The following SMIM36 variants were observed in gnomAD, a reference collection of about 807,000 sequenced individuals.
SMIM36 encodes the protein small integral membrane protein 36.
chr17:55,505,914 C>G (rs1295922740), intron 1 of SMIM36, among the ~76,000 whole-genome samples: 1 of 91,676 alleles, frequency 1.1e-5, no homozygotes, highest in African/African-American at 8.1e-5. Flanking sequence ...AAATCACAAG[C>G]ATTCTTACAC....
chr17:55,513,454 C>T (rs538471915), upstream of SMIM36, among the ~76,000 whole-genome samples: 3 of 152,268 alleles, frequency 2.0e-5, no homozygotes, highest in East Asian at 5.8e-4. Context: ...AGGAAAAGTC[C>T]ATTTATAATT....
chr17:55,488,566 A>G (rs1449732998), intron 1 of SMIM36, among the ~76,000 whole-genome samples: 1 of 152,178 alleles, frequency 6.6e-6, no homozygotes, highest in Admixed American at 6.5e-5. Context: ...TTTCTCATTT[A>G]CTATTATGTG....
intron 1 of SMIM36, among the ~76,000 whole-genome samples, chr17:55,501,809 C>G (rs2144718778): frequency 1.3e-5 from 2 of 151,454 alleles, no homozygotes; most frequent in South Asian, 4.2e-4. Context: ...GCATTTCCAT[C>G]TGAGGTACCG....
chr17:55,461,431 G>A (rs1453836472), intron 4 of SMIM36, among the ~76,000 whole-genome samples: 1 of 152,122 alleles, frequency 6.6e-6, no homozygotes, highest in Non-Finnish European at 1.5e-5. Flanking sequence ...TCTGGAAAAG[G>A]TGAAACTATA....
At chr17:55,450,504 C>T (rs1908892434) in intron 4 of SMIM36, among the ~76,000 whole-genome samples, 1 of 152,176 alleles carries the variant, frequency 6.6e-6, no homozygotes, top group African/African-American at 2.4e-5. Flanking sequence ...ACATGGATCT[C>T]ACAGTGTTGC....
At chr17:55,475,851 G>A (rs532460917) in intron 3 of SMIM36, among the ~76,000 whole-genome samples, 22 of 152,080 alleles carry the variant, frequency 1.4e-4, no homozygotes, top group African/African-American at 4.6e-4. Flanking sequence ...CATTCTATAT[G>A]ACAAATGCTC....
At chr17:55,465,414 T>C (rs1909218521) in intron 4 of SMIM36, among the ~76,000 whole-genome samples, 1 of 152,146 alleles carries the variant, frequency 6.6e-6, no homozygotes, top group Non-Finnish European at 1.5e-5. Context: ...CATTTACATT[T>C]GGAGGAATTA....
chr17:55,471,616 G>A (rs1307885811), intron 3 of SMIM36, among the ~76,000 whole-genome samples: 2 of 152,124 alleles, frequency 1.3e-5, no homozygotes, highest in South Asian at 4.1e-4. Context: ...AGCTCACAAA[G>A]GGTAACTTAA....
the SMIM36 span, among the ~76,000 whole-genome samples, chr17:55,528,798 C>G: frequency 0.035 from 5,388 of 152,206 alleles, 275 homozygotes; most frequent in African/African-American, 0.12. Flanking sequence ...TGATCTGACC[C>G]TCTAGGCCTC....
chr17:55,518,554 G>T, the SMIM36 span, among the ~76,000 whole-genome samples: 1 of 152,136 alleles, frequency 6.6e-6, no homozygotes, highest in Non-Finnish European at 1.5e-5. Flanking sequence ...TTCATAGGGT[G>T]GGATGAGAAA....
chr17:55,501,377 TTATAGAA>T (rs1909964299), intron 1 of SMIM36, among the ~76,000 whole-genome samples: 1 of 82,828 alleles, frequency 1.2e-5, no homozygotes, highest in Admixed American at 2.3e-4. Context: ...ATATTATATA[TTATAGAA>T]TATAATATAT....
At chr17:55,511,184 T>G (rs1406759057) in exon 1 of SMIM36, 10 of 398,120 alleles carry the variant, frequency 2.5e-5, no homozygotes, top group Non-Finnish European at 4.0e-5. Context: ...GCCTCGAGAG[T>G]GGCCTCGGGC....
chr17:55,501,958 G>GTGAC (rs543338024), intron 1 of SMIM36, among the ~76,000 whole-genome samples: 1,495 of 149,332 alleles, frequency 0.01, 8 homozygotes, highest in African/African-American at 0.035. Flanking sequence ...AAAGAAAGGG[G>GTGAC]TGACGGACGC....
chr17:55,518,805 T>C, the SMIM36 span, among the ~76,000 whole-genome samples: 1 of 151,534 alleles, frequency 6.6e-6, no homozygotes, highest in South Asian at 2.1e-4. Context: ...AAAGGAAAAG[T>C]TGTATGAGAG....
At chr17:55,500,566 A>G (rs1359152772) in intron 1 of SMIM36, among the ~76,000 whole-genome samples, 1 of 151,610 alleles carries the variant, frequency 6.6e-6, no homozygotes, top group East Asian at 1.9e-4. Context: ...GAGGCTTGGA[A>G]TAACTCAATG....
chr17:55,524,734 A>G, the SMIM36 span, among the ~76,000 whole-genome samples: 1 of 152,178 alleles, frequency 6.6e-6, no homozygotes, highest in Non-Finnish European at 1.5e-5. Flanking sequence ...ATGGTATTCT[A>G]TTACTAGTAA....
chr17:55,487,770 G>A (rs960179062), intron 1 of SMIM36, among the ~76,000 whole-genome samples: 2 of 152,166 alleles, frequency 1.3e-5, no homozygotes, highest in South Asian at 2.1e-4. Context: ...AGAAAGGAGA[G>A]AGTGGCTTAA....
At chr17:55,526,123 C>T in the SMIM36 span, among the ~76,000 whole-genome samples, 2 of 151,806 alleles carry the variant, frequency 1.3e-5, no homozygotes, top group African/African-American at 4.8e-5. Flanking sequence ...TCTCTAAGAG[C>T]AATACTACTA....
At chr17:55,485,163 T>C (rs896311814) in intron 1 of SMIM36, among the ~76,000 whole-genome samples, 3 of 152,236 alleles carry the variant, frequency 2.0e-5, no homozygotes, top group African/African-American at 7.2e-5. Flanking sequence ...ATTAGGCTAA[T>C]ATGGCAAAAT....
Sources: gnomAD v4.1 joint callset for allele counts (sites outside exome capture counted in the v4.1 genomes callset) on GRCh38, gnomAD v4.1.1 for gene constraint, MANE v1.5 for transcripts, NCBI Gene and HGNC (gene_info 2026-07-23, HGNC 2026-07-21) for gene names.